KIF21A: variants seen among roughly 807,000 people sequenced by gnomAD.
The protein encoded by KIF21A is kinesin family member 21A.
In KIF21A, 114 loss-of-function variants were observed where a neutral mutation model predicts 202.9. The ratio of observed to expected loss-of-function variants is 0.56; its 90% CI spans 0.48 to 0.66. The LOEUF is 0.66. Among genes scored for constraint, KIF21A ranks in the 30% least tolerant of loss-of-function variants. KIF21A has a pLI of 0.00. For synonymous variants in KIF21A, 667 were observed against 670.8 expected (o/e 0.99, Z 0.09); for missense variants, 1,677 against 1,994.9 (o/e 0.84, Z 3.04).
intron 1 of KIF21A, among the ~76,000 whole-genome samples, chr12:39,405,811 G>T (rs754830488): frequency 7.9e-5 from 12 of 151,890 alleles, no homozygotes; most frequent in Non-Finnish European, 1.6e-4. Context: ...CTAAAAACAC[G>T]AAGTTGATCA....
chr12:39,334,233 GAAAAGAAAAC>G (rs1465990690), intron 17 of KIF21A, among the ~76,000 whole-genome samples: 3 of 143,610 alleles, frequency 2.1e-5, no homozygotes, highest in East Asian at 2.0e-4. Flanking sequence ...AAGAAAGAAA[GAAAAGAAAAC>G]AAAAGAAAAA....
In KIF21A at chr12:39,342,039, C is replaced by G; in HGVS notation, c.1798G>C (p.Glu600Gln). The G allele has an allele frequency of 6.2e-7, 1 of 1,603,510 alleles. No homozygotes were observed. Among genetic ancestry groups the G allele is most frequent in the South Asian group, 1.1e-5 (1 of 90,776 alleles). Residue 600 changes from glutamate to glutamine, a missense_variant, in exon 13 of 38, where the codon GAA (glutamate) becomes CAA (glutamine). Glu to Gln is a conservative substitution (Grantham distance 29). Around this residue, in one of 3 missense-constraint regions of KIF21A, gnomAD observed 966 missense variants for 1,180.9 expected, o/e 0.82. Coordinates refer to ENST00000361418, the MANE Select transcript of KIF21A (RefSeq NM_001173464.2). ...GVSERENNELEVEESQEVSDH... is the reference protein window; with the variant it reads ...GVSERENNELQVEESQEVSDH... ...GTTCATTCTTTCATACTTACCACTTCTAATTCATTGTTTTCTCTTTCCGAA... is the reference window on the plus strand; with the variant it reads ...GTTCATTCTTTCATACTTACCACTTGTAATTCATTGTTTTCTCTTTCCGAA...
intron 27 of KIF21A, 155 bp downstream of exon 27, chr12:39,322,513 A>G (rs1945387315): frequency 3.3e-6 from 2 of 597,228 alleles, no homozygotes; most frequent in Non-Finnish European, 5.8e-6. Flanking sequence ...CAACTCTCCA[A>G]TACCTTAGGG....
intron 6 of KIF21A, among the ~76,000 whole-genome samples, chr12:39,365,322 T>C (rs1323249375): frequency 6.6e-6 from 1 of 152,226 alleles, no homozygotes; most frequent in Non-Finnish European, 1.5e-5. Flanking sequence ...ATCAGCTCTA[T>C]CTGGGCAGCA....
Position 39,322,783 on chromosome 12 carries a change from G to A in KIF21A, c.3556C>T (p.Leu1186Phe), listed in dbSNP as rs1238651079. ...STGDASLPGP[L>F]TPVAEGQEIG... ...TCTTGCCCTTCTGCAACAGGTGTGA[G>A]AGGGCCAGGCAAGGAGGCATCTCCT... is the stretch of plus-strand genomic sequence containing the variant. The change falls in exon 27 of 38, where the codon CTC becomes TTC. Residue 1186 changes from leucine (L) to phenylalanine (F), a missense_variant. Transcript: ENST00000361418. 1.9e-6 allele frequency: 3 copies of A among 1,614,012 alleles called. No homozygotes were observed. The highest frequency in any genetic ancestry group is 1.3e-5 in the African/African-American group (1 of 74,906).
intron 1 of KIF21A, among the ~76,000 whole-genome samples, chr12:39,396,312 T>C (rs556120693): frequency 6.6e-6 from 1 of 152,290 alleles, no homozygotes; most frequent in East Asian, 1.9e-4. Flanking sequence ...CCTCTTGTGT[T>C]TGGTTTTTAA....
chr12:39,342,333 G>C (rs1327280718), intron 12 of KIF21A, among the ~76,000 whole-genome samples: 3 of 152,122 alleles, frequency 2.0e-5, no homozygotes, highest in Admixed American at 6.6e-5. Flanking sequence ...TATCACTGGA[G>C]AAAAGCTTAT....
chr12:39,388,135 T>C (rs1438390819), intron 1 of KIF21A, among the ~76,000 whole-genome samples: 2 of 152,118 alleles, frequency 1.3e-5, no homozygotes, highest in Admixed American at 1.3e-4. Flanking sequence ...TAGGAGGTGT[T>C]TGGGTCATGG....
Position 39,303,041 on chromosome 12 carries a change from T to C in KIF21A, c.4655A>G (p.Gln1552Arg). 1 of 1,613,994 alleles carries C rather than the reference T, an allele frequency of 6.2e-7. No individual in the cohort carries two copies. The highest frequency in any genetic ancestry group is 8.5e-7 in the Non-Finnish European group (1 of 1,179,882). Residue 1552 changes from glutamine (Q) to arginine (R), a missense_variant, in exon 36 of 38, where the codon CAA becomes CGA. Physicochemically the swap from Gln to Arg is conservative, Grantham distance 43 (BLOSUM62 1). This residue lies in a region of KIF21A where 705 missense variants were observed against 791.9 expected (regional missense o/e 0.89). Coordinates refer to ENST00000361418, the MANE Select transcript of KIF21A (RefSeq NM_001173464.2). The part of the protein sequence containing the change: ...HYDGIEALTI[Q>R]GDNLFSGSRD... ...AGACCCACTAAATAGGTTATCCCCT[T>C]GAATGGTTAGTGCTTCTATGCCATC...
At chr12:39,322,973 G>C in intron 26 of KIF21A, 91 bp from the exon 27 acceptor site, 3 of 980,016 alleles carry the variant, frequency 3.1e-6, no homozygotes, top group Non-Finnish European at 4.6e-6. Flanking sequence ...TTTGAAATAG[G>C]TAAAACATTT....
At chr12:39,407,808 A>T (rs935914917) in intron 1 of KIF21A, among the ~76,000 whole-genome samples, 5 of 152,050 alleles carry the variant, frequency 3.3e-5, no homozygotes, top group African/African-American at 7.2e-5. Flanking sequence ...CTCTTAACCC[A>T]TGCCCATTCC....
At position 39,377,465 on chromosome 12, in the gene KIF21A, T is replaced by C. The variant is rs1373703405; in HGVS notation, c.45-7204A>G. Among the ~76,000 whole-genome samples the C allele has an allele frequency of 4.6e-5, 7 of 152,278 alleles. No homozygotes were observed. In the East Asian group the frequency reaches 1.2e-3, roughly 25 times the overall value. ...TCATTCCAGTTAGTAGATACCACAT[T>C]AAGGAAGCATCTGCCCTACTTTAAC... On this transcript the variant is annotated intron_variant, in intron 1 of 37. Coordinates refer to ENST00000361418, the MANE Select transcript of KIF21A (RefSeq NM_001173464.2).
At chr12:39,399,130 C>T (rs1307552675) in intron 1 of KIF21A, among the ~76,000 whole-genome samples, 1 of 152,072 alleles carries the variant, frequency 6.6e-6, no homozygotes, top group Non-Finnish European at 1.5e-5. Flanking sequence ...GAGGCTGCAG[C>T]ATCACTTGAA....
rs779688115 is a variant in KIF21A, at chr12:39,333,268, G to A, written c.2431C>T (p.Leu811Phe). 6.2e-7 allele frequency: 1 copy of A among 1,606,922 alleles called. No individual in the cohort carries two copies. The highest frequency in any genetic ancestry group is 1.1e-5 in the South Asian group (1 of 90,932). ...DQRKRDHQLR[L>F]LEAQKRNQEV... ...TGGTTTCTTTTTTGGGCTTCCAGAA[G>A]TCTAAGTTGATGCTATAAAATAATA... The change falls in exon 18 of 38, where the codon CTT becomes TTT. Residue 811 changes from leucine to phenylalanine, a missense_variant. By Grantham distance (22) the Leu-to-Phe change is conservative. Transcript: ENST00000361418.
intron 1 of KIF21A, among the ~76,000 whole-genome samples, chr12:39,420,969 A>G (rs1954209054): frequency 6.6e-6 from 1 of 152,226 alleles, no homozygotes; most frequent in African/African-American, 2.4e-5. Flanking sequence ...AGTGAAGTGA[A>G]AAATGAAGGA....
chr12:39,312,671 TAAA>T (rs1944150645), intron 31 of KIF21A: 1 of 151,848 alleles, frequency 6.6e-6, no homozygotes, highest in South Asian at 2.1e-4. Context: ...AAATTTAAAA[TAAA>T]AAAATTAAAA....
chr12:39,304,968 T>TAAAC, intron 34 of KIF21A, 30 bp from the exon 35 acceptor site: 3 of 1,095,372 alleles, frequency 2.7e-6, no homozygotes, highest in Non-Finnish European at 4.2e-6. Flanking sequence ...TAGTTTTGTT[T>TAAAC]AAAATTATTT....
At chr12:39,310,041 C>T (rs1943872822) in intron 32 of KIF21A, among the ~76,000 whole-genome samples, 1 of 151,960 alleles carries the variant, frequency 6.6e-6, no homozygotes, top group Admixed American at 6.6e-5. Context: ...ATGGTCATAT[C>T]AAGAGTCTTG....
intron 31 of KIF21A, 50 bp downstream of exon 31, chr12:39,315,179 T>TTTTTTGA (rs766167179): frequency 1.6e-5 from 25 of 1,553,610 alleles, no homozygotes; most frequent in Non-Finnish European, 2.2e-5. Flanking sequence ...ACCTGTAAGG[T>TTTTTTGA]CTTTTGATAC....
Sources: gnomAD v4.1 joint callset for allele counts (sites outside exome capture counted in the v4.1 genomes callset) on GRCh38, gnomAD v4.1.1 for gene constraint, gnomAD v4.1.1 regional missense constraint, MANE v1.5 for transcripts, NCBI Gene and HGNC (gene_info 2026-07-23, HGNC 2026-07-21) for gene names.